GLIS1: variants seen among roughly 807,000 people sequenced by gnomAD.
GLIS1 encodes GLIS family zinc finger 1.
GLIS1 carries 24 observed loss-of-function variants against 63.8 expected under a neutral mutation model. The observed-to-expected ratio is 0.38, with a 90% CI of 0.27 to 0.53. The LOEUF (loss-of-function observed/expected upper bound fraction) is 0.53, where lower values mean the gene tolerates loss of function less well. GLIS1 is among the 20% of genes least tolerant of loss of function. GLIS1 has a pLI of 0.85. For missense variants in GLIS1, 1,036 were observed against 1,074.1 expected, an observed-to-expected ratio of 0.96 and a Z score of 0.50; for synonymous variants, 450 against 482.5, an observed-to-expected ratio of 0.93 and a Z score of 0.88.
At position 53,607,958 on chromosome 1, in the gene GLIS1, C is replaced by CTTT. The variant is rs377462740; in HGVS notation, c.260-7683_260-7681dup. On this transcript the variant is annotated intron_variant, in intron 2 of 10. Transcript: ENST00000628545. ...GTAGAGTGAGCTCTCTGATGTCTCT[C>CTTT]TTTTTTTTTTTTTTTTTTGAGACAG... Among the ~76,000 whole-genome samples, 150 of 128,592 alleles carry CTTT rather than the reference C, an allele frequency of 1.2e-3. 2 individuals are homozygous for CTTT. Among genetic ancestry groups the CTTT allele is most frequent in the South Asian group, 1.8e-3 (7 of 3,860 alleles). The allele number at this position is 128,592 out of a possible 152,430, so 84.4% of individuals were successfully genotyped here.
intron 2 of GLIS1, among the ~76,000 whole-genome samples, chr1:53,701,876 C>T (rs1029913669): frequency 1.3e-5 from 2 of 151,648 alleles, no homozygotes; most frequent in Non-Finnish European, 2.9e-5. Context: ...GCCTGTGGTC[C>T]CAGCTACTCT....
intron 4 of GLIS1, among the ~76,000 whole-genome samples, chr1:53,559,829 C>T (rs114376307): frequency 0.013 from 1,954 of 152,218 alleles, 47 homozygotes; most frequent in African/African-American, 0.045. Context: ...ATCTACATCC[C>T]CCCCAGTCAT....
intron 4 of GLIS1, among the ~76,000 whole-genome samples, chr1:53,547,279 G>A (rs1235685763): frequency 6.6e-6 from 1 of 152,232 alleles, no homozygotes; most frequent in East Asian, 1.9e-4. Context: ...AGAGAGCCAG[G>A]GCTCCAGACT....
chr1:53,645,025 C>T (rs538173239), intron 2 of GLIS1, among the ~76,000 whole-genome samples: 19 of 152,350 alleles, frequency 1.2e-4, no homozygotes, highest in Non-Finnish European at 2.1e-4. Context: ...AAGAACAGGG[C>T]TTGGCATGTG....
At position 53,594,329 on chromosome 1, in the gene GLIS1, C is replaced by T. The variant is rs1645226107; in HGVS notation, c.1099G>A (p.Ala367Thr). Residue 367 changes from alanine (A) to threonine (T), a missense_variant, in exon 4 of 11, where the codon GCC (alanine) becomes ACC (threonine). Physicochemically the swap from Ala to Thr is moderately conservative, Grantham distance 58. Coordinates refer to ENST00000628545, the MANE Select transcript of GLIS1 (RefSeq NM_001367484.1). The stretch of plus-strand genomic sequence containing the variant: ...ACCCAGCGGCACGCCTGCCGCCCGG[C>T]CACCACCCTGCCTGCCAGGCCCAGC... ...LGLGLAGRVV[A>T]GRQACRWVDC... is the part of the protein sequence containing the mutation. The T allele has an allele frequency of 6.2e-6, 10 of 1,611,616 alleles. No homozygotes were observed. Among genetic ancestry groups the T allele is most frequent in the Middle Eastern group, 1.6e-4 (1 of 6,076 alleles).
chr1:53,584,177 T>C (rs147552307), intron 4 of GLIS1, among the ~76,000 whole-genome samples: 3 of 152,302 alleles, frequency 2.0e-5, no homozygotes, highest in African/African-American at 7.2e-5. Context: ...TCTGCCCATA[T>C]CACAGTCCTG....
intron 2 of GLIS1, among the ~76,000 whole-genome samples, chr1:53,633,608 T>G (rs1197255241): frequency 6.6e-6 from 1 of 151,940 alleles, no homozygotes; most frequent in Non-Finnish European, 1.5e-5. Context: ...TGGAAGAAAT[T>G]AGGACTTCGT....
intron 4 of GLIS1, among the ~76,000 whole-genome samples, chr1:53,543,375 A>C (rs1208969213): frequency 6.6e-6 from 1 of 152,112 alleles, no homozygotes; most frequent in Non-Finnish European, 1.5e-5. Context: ...CTCTAGACAG[A>C]AGGTGCCACC....
At chr1:53,581,241 G>A (rs1048409403) in intron 4 of GLIS1, among the ~76,000 whole-genome samples, 2 of 152,174 alleles carry the variant, frequency 1.3e-5, no homozygotes, top group Non-Finnish European at 2.9e-5. Flanking sequence ...CACTGGGCTG[G>A]CCTCCCTGGG....
intron 2 of GLIS1, among the ~76,000 whole-genome samples, chr1:53,731,559 C>T (rs747400208): frequency 2.6e-5 from 4 of 152,168 alleles, no homozygotes; most frequent in Non-Finnish European, 4.4e-5. Flanking sequence ...GTCAGACAGA[C>T]CTGGGTTCAA....
chr1:53,613,826 G>A (rs1645450744), intron 2 of GLIS1, among the ~76,000 whole-genome samples: 1 of 152,148 alleles, frequency 6.6e-6, no homozygotes, highest in Admixed American at 6.5e-5. Flanking sequence ...CAGAAAAGAT[G>A]AATTCTCACT....
In GLIS1 at chr1:53,526,083, T is replaced by C. The variant is rs1172612389; in HGVS notation, c.1483-1196A>G. On this transcript the variant is annotated intron_variant, in intron 5 of 10. Transcript: ENST00000628545. This position sits in a 1 kb window ranked among gnomAD's most constrained non-coding sequence, Gnocchi z 4.4. ...CAAGGCTTCCCTTTGCGGACACGTC[T>C]AGTGCTTCCGCTCTCTTAGAAGCCT... Among the ~76,000 whole-genome samples the C allele has an allele frequency of 6.6e-6, 1 of 152,184 alleles. No individual in the cohort carries two copies. The highest frequency in any genetic ancestry group is 6.5e-5 in the Admixed American group (1 of 15,280).
intron 2 of GLIS1, among the ~76,000 whole-genome samples, chr1:53,647,311 T>C (rs954125766): frequency 3.3e-5 from 5 of 152,222 alleles, no homozygotes; most frequent in Non-Finnish European, 7.3e-5. Flanking sequence ...AGACTTATTA[T>C]AAAGCTACAG....
chr1:53,649,202 G>A (rs189461392), intron 2 of GLIS1, among the ~76,000 whole-genome samples: 3 of 152,044 alleles, frequency 2.0e-5, no homozygotes, highest in Non-Finnish European at 4.4e-5. Context: ...AAATATATAC[G>A]AATTATAAAA....
intron 2 of GLIS1, among the ~76,000 whole-genome samples, chr1:53,718,215 G>C (rs1646719356): frequency 6.6e-6 from 1 of 152,190 alleles, no homozygotes; most frequent in East Asian, 1.9e-4. Flanking sequence ...GCCTAAATCA[G>C]TCAGTTTGTG....
intron 4 of GLIS1, among the ~76,000 whole-genome samples, chr1:53,589,562 G>A (rs1397658538): frequency 6.6e-6 from 1 of 152,200 alleles, no homozygotes; most frequent in East Asian, 1.9e-4. Context: ...GCTAGTTAAG[G>A]CCAATCCGTA....
chr1:53,682,831 A>G (rs559381177), intron 2 of GLIS1, among the ~76,000 whole-genome samples: 3 of 152,384 alleles, frequency 2.0e-5, no homozygotes, highest in African/African-American at 7.2e-5. Context: ...CTGTATGATG[A>G]GCTAAACAGA....
chr1:53,659,314 G>C (rs546264862), intron 2 of GLIS1, among the ~76,000 whole-genome samples: 1 of 152,184 alleles, frequency 6.6e-6, no homozygotes, highest in Non-Finnish European at 1.5e-5. Context: ...CAGGTGGCTC[G>C]GCTCTGCAGG....
In GLIS1 at chr1:53,686,321, G is replaced by A. The variant is rs559586205; in HGVS notation, c.259+51485C>T. On this transcript the variant is annotated intron_variant, in intron 2 of 10. Coordinates refer to ENST00000628545, the MANE Select transcript of GLIS1 (RefSeq NM_001367484.1). ...CCCTTGTTATCTTTCAGCTCCACAC[G>A]GCACAATTCTCCCCTCCGGCTCAGC... Among the ~76,000 whole-genome samples, 133 of 152,276 alleles carry A rather than the reference G, an allele frequency of 8.7e-4. 1 individual carries two copies. The highest frequency in any genetic ancestry group is 3.0e-3 in the African/African-American group (123 of 41,576).
Sources: allele counts gnomAD v4.1 joint callset (sites outside exome capture counted in the v4.1 genomes callset), GRCh38; gene constraint gnomAD v4.1.1; non-coding constraint Gnocchi (gnomAD v3.1); transcripts MANE v1.5; gene names NCBI Gene and HGNC (gene_info 2026-07-23, HGNC 2026-07-21).